Variants in MYO1E observed in about 807,000 individuals in gnomAD.
MYO1E encodes the protein myosin IE, also known as unconventional myosin-Ie.
In MYO1E, 68 loss-of-function variants were observed where a neutral mutation model predicts 151.1. The ratio of observed to expected loss-of-function variants is 0.45; its 90% CI spans 0.37 to 0.55. MYO1E has a LOEUF of 0.55. Ranked by LOEUF, MYO1E falls within the 20% of genes least tolerant of loss-of-function variation. MYO1E has a pLI of 0.00. For missense variants in MYO1E, 1,363 were observed against 1,389.3 expected, an observed-to-expected ratio of 0.98 and a Z score of 0.30; for synonymous variants, 601 against 501.7, an observed-to-expected ratio of 1.20 and a Z score of -2.64.
At chr15:59,143,191 G>A (rs1053440019) in intron 26 of MYO1E, among the ~76,000 whole-genome samples, 5 of 152,166 alleles carry the variant, frequency 3.3e-5, no homozygotes, top group African/African-American at 1.2e-4. Flanking sequence ...CCAGGTTGTG[G>A]ACAACTGCTA....
chr15:59,344,599 C>G (rs1206150025), intron 1 of MYO1E, among the ~76,000 whole-genome samples: 1 of 152,328 alleles, frequency 6.6e-6, no homozygotes, highest in Non-Finnish European at 1.5e-5. Flanking sequence ...CAGGACAGCC[C>G]TGGGCCCAGG....
At chr15:59,252,036 G>A (rs1279101880) in intron 4 of MYO1E, among the ~76,000 whole-genome samples, 4 of 152,110 alleles carry the variant, frequency 2.6e-5, no homozygotes, top group African/African-American at 9.7e-5. Flanking sequence ...GCAAATAATT[G>A]CTAATGTAAT....
rs1252415789 is a variant in MYO1E, at chr15:59,133,085, T to C, written c.*4295A>G. 1.3e-5 allele frequency: 2 copies of C among 152,252 alleles called. No individual in the cohort carries two copies. The highest frequency in any genetic ancestry group is 6.5e-5 in the Admixed American group (1 of 15,282). 9.4% of individuals were successfully genotyped at this position (152,252 alleles called of 1,614,324 possible). On this transcript the variant is annotated 3_prime_UTR_variant, in exon 28 of 28. Transcript: ENST00000288235. ...TATCTGTTGAATTGGAGAAAATGAT[T>C]AAAAGCACAGGCCTTTTGGGCACAG...
intron 1 of MYO1E, among the ~76,000 whole-genome samples, chr15:59,310,748 G>A (rs1296821151): frequency 1.3e-5 from 2 of 152,016 alleles, no homozygotes; most frequent in East Asian, 3.9e-4. Context: ...GGTGGGAAGG[G>A]CTGACCACCA....
intron 1 of MYO1E, among the ~76,000 whole-genome samples, chr15:59,307,172 C>G (rs1175511120): frequency 6.6e-6 from 1 of 152,136 alleles, no homozygotes; most frequent in Non-Finnish European, 1.5e-5. Context: ...TATTGCTTCC[C>G]AGCTTCAGAG....
At chr15:59,321,306 T>C (rs746844188) in intron 1 of MYO1E, among the ~76,000 whole-genome samples, 1 of 152,230 alleles carries the variant, frequency 6.6e-6, no homozygotes. Flanking sequence ...AGAACTATCA[T>C]TCAACTCAGC....
chr15:59,166,104 A>G (rs1362692844), intron 22 of MYO1E, among the ~76,000 whole-genome samples: 1 of 152,226 alleles, frequency 6.6e-6, no homozygotes, highest in Non-Finnish European at 1.5e-5. Context: ...GAATCTAGAA[A>G]TGAGAAGAGA....
chr15:59,296,572 AC>A (rs1487268425), intron 1 of MYO1E, among the ~76,000 whole-genome samples: 1 of 152,132 alleles, frequency 6.6e-6, no homozygotes, highest in Non-Finnish European at 1.5e-5. Context: ...CACAGTCGGG[AC>A]GTGCTGGTAG....
chr15:59,317,571 T>C (rs531594959), intron 1 of MYO1E, among the ~76,000 whole-genome samples: 18 of 146,032 alleles, frequency 1.2e-4, no homozygotes, highest in Non-Finnish European at 2.5e-4. Flanking sequence ...ATACAAACTG[T>C]TATCAGAGGG....
At chr15:59,225,016 A>G (rs1272706985) in intron 7 of MYO1E, among the ~76,000 whole-genome samples, 193 bp from the exon 8 acceptor site, 1 of 152,224 alleles carries the variant, frequency 6.6e-6, no homozygotes, top group Non-Finnish European at 1.5e-5. Flanking sequence ...TAACTCTGGA[A>G]AGACCTGCAA....
In MYO1E at chr15:59,158,375, A is replaced by G. The variant is rs2079520185; in HGVS notation, c.2790T>C (p.Pro930=). The G allele has an allele frequency of 6.4e-7, 1 of 1,558,478 alleles. No individual in the cohort carries two copies. Among genetic ancestry groups the G allele is most frequent in the Non-Finnish European group, 8.7e-7 (1 of 1,149,378 alleles). The change falls in exon 25 of 28, where the codon CCT becomes CCC. Residue 930 remains proline, a synonymous_variant. Coordinates refer to ENST00000288235, the MANE Select transcript of MYO1E (RefSeq NM_004998.4). ...TATTTTGGGTAGTGTTCCTTCTGGT[A>G]GGACCTGAAATAAACAAGACAAAGT... ...IGPGLPKNSR[P]TRRNTTQNTG... is the part of the protein sequence containing the mutation.
At chr15:59,213,923 G>C (rs1361035732) in intron 12 of MYO1E, among the ~76,000 whole-genome samples, 6 of 152,236 alleles carry the variant, frequency 3.9e-5, no homozygotes, top group African/African-American at 1.4e-4. Flanking sequence ...GCCACAGACA[G>C]TCGGGGCTGG....
In MYO1E at chr15:59,207,556, C is replaced by T. The variant is rs750941664; in HGVS notation, c.1530+1125G>A. On this transcript the variant is annotated intron_variant, in intron 14 of 27. Coordinates refer to ENST00000288235, the MANE Select transcript of MYO1E (RefSeq NM_004998.4). ...GAAGTTGAGTGCATTTCCCAAAAACCGTATTATTGGAAGCGGCTGTAATCT... is the reference window on the plus strand; with the variant it reads ...GAAGTTGAGTGCATTTCCCAAAAACTGTATTATTGGAAGCGGCTGTAATCT... The T allele has an allele frequency of 8.1e-6, 13 of 1,614,024 alleles. No individual in the cohort carries two copies. In the South Asian group the frequency reaches 8.8e-5, roughly 11 times the overall value.
In MYO1E at chr15:59,370,071, A is replaced by G. The variant is rs544432184; in HGVS notation, c.3+2427T>C. On this transcript the variant is annotated intron_variant, in intron 1 of 27. Transcript: ENST00000288235. ...AGTATTCCTCCTGCCTCAGCCTCCC[A>G]AAGTGCTGGGATTACAGGCGTGAGC... 1.0e-3 allele frequency among the ~76,000 whole-genome samples: 159 copies of G among 152,086 alleles called. 3 individuals carry two copies. The highest frequency in any genetic ancestry group is 9.6e-3 in the South Asian group (46 of 4,814).
At chr15:59,313,014 T>C (rs2140411851) in intron 1 of MYO1E, among the ~76,000 whole-genome samples, 1 of 151,882 alleles carries the variant, frequency 6.6e-6, no homozygotes, top group Admixed American at 6.6e-5. Flanking sequence ...GGCCCCACCC[T>C]AAACCTGCTA....
intron 1 of MYO1E, among the ~76,000 whole-genome samples, chr15:59,312,059 A>G (rs969186002): frequency 6.6e-6 from 1 of 152,206 alleles, no homozygotes; most frequent in Non-Finnish European, 1.5e-5. Flanking sequence ...AACCAAATGG[A>G]CTACAACACT....
chr15:59,354,206 CAATT>C (rs1319301524), intron 1 of MYO1E, among the ~76,000 whole-genome samples: 5 of 152,152 alleles, frequency 3.3e-5, no homozygotes, highest in African/African-American at 1.2e-4. Context: ...ATAAACAAAA[CAATT>C]AAGCCATTAG....
chr15:59,222,708 C>T (rs1754164956), intron 9 of MYO1E, among the ~76,000 whole-genome samples: 1 of 152,142 alleles, frequency 6.6e-6, no homozygotes, highest in Non-Finnish European at 1.5e-5. Context: ...TTGATAAAGA[C>T]AATAAATCTT....
intron 2 of MYO1E, among the ~76,000 whole-genome samples, chr15:59,269,006 C>A (rs112079591): frequency 6.6e-6 from 1 of 151,898 alleles, no homozygotes. Flanking sequence ...ATTCCAAGAA[C>A]ATTTCAAAAT....
Sources: gnomAD v4.1 joint callset for allele counts (sites outside exome capture counted in the v4.1 genomes callset) on GRCh38, gnomAD v4.1.1 for gene constraint, MANE v1.5 for transcripts, NCBI Gene and HGNC (gene_info 2026-07-23, HGNC 2026-07-21) for gene names.